CPS1: variants seen among roughly 807,000 people sequenced by gnomAD.
CPS1 encodes the protein carbamoyl-phosphate synthase [ammonia], mitochondrial.
CPS1 carries 109 observed loss-of-function variants against 174.6 expected under a neutral mutation model. That is an observed-to-expected ratio of 0.62 (90% CI 0.53 to 0.73). The LOEUF is 0.73. CPS1 is among the 30% of genes least tolerant of loss of function. The pLI, the probability that CPS1 is intolerant of heterozygous loss-of-function variation, is 0.00. For synonymous variants in CPS1, 637 were observed against 632.0 expected (o/e 1.01, Z -0.12); for missense variants, 1,689 against 1,821.9 (o/e 0.93, Z 1.33).
At chr2:210,511,081 C>T (rs564152139) in intron 1 of CPS1, among the ~76,000 whole-genome samples, 7 of 152,168 alleles carry the variant, frequency 4.6e-5, no homozygotes, top group East Asian at 1.9e-4. Flanking sequence ...CACATGCACA[C>T]GTATGTTTAT....
intron 28 of CPS1, among the ~76,000 whole-genome samples, chr2:210,652,903 G>T (rs1401867861): frequency 2.0e-5 from 3 of 152,150 alleles, no homozygotes; most frequent in African/African-American, 4.8e-5. Context: ...TGGCATTTAA[G>T]GCAGAGAGGA....
At chr2:210,602,377 T>C (rs752473259) in intron 16 of CPS1, 47 bp downstream of exon 16, 1 of 1,607,300 alleles carries the variant, frequency 6.2e-7, no homozygotes, top group Non-Finnish European at 8.5e-7. Context: ...AAAAACTGGC[T>C]TGATAGACCT....
At chr2:210,656,726 G>A in intron 30 of CPS1, 94 bp downstream of exon 30, 1 of 854,002 alleles carries the variant, frequency 1.2e-6, no homozygotes, top group Admixed American at 2.1e-5. Flanking sequence ...AGGTAGCAAT[G>A]TAAGATATGC....
chr2:210,637,970 G>C (rs958637161), intron 22 of CPS1, 127 bp downstream of exon 22: 1 of 1,057,396 alleles, frequency 9.5e-7, no homozygotes, highest in African/African-American at 1.6e-5. Context: ...ATACTCATCC[G>C]GTTGATGCTC....
chr2:210,531,245 A>G lies in CPS1; in HGVS notation c.4-25474A>G, dbSNP rs945326885. On this transcript the variant is annotated intron_variant, in intron 1 of 38. Transcript: ENST00000430249. The stretch of plus-strand genomic sequence containing the variant: ...TAGCCATAGAGGGCAAAGACGGGGG[A>G]AAAAAGTACGAGCTCTGGAGAACAG... Among the ~76,000 whole-genome samples, 5 of 152,166 alleles carry G rather than the reference A, an allele frequency of 3.3e-5. No homozygotes were observed. In the South Asian group the frequency reaches 1.0e-3, roughly 32 times the overall value.
At chr2:210,526,127 C>A (rs1695966067) in intron 1 of CPS1, among the ~76,000 whole-genome samples, 1 of 151,856 alleles carries the variant, frequency 6.6e-6, no homozygotes, top group Non-Finnish European at 1.5e-5. Context: ...CAAACTAACA[C>A]ACGAACAGAA....
upstream of CPS1, among the ~76,000 whole-genome samples, chr2:210,554,166 C>T (rs4673538): frequency 0.43 from 51,368 of 118,404 alleles, 13,030 homozygotes; most frequent in Middle Eastern, 0.6. Context: ...CACACATATA[C>T]ATATGTATGT....
At chr2:210,662,818 C>G (rs1027077999) in intron 32 of CPS1, among the ~76,000 whole-genome samples, 2 of 152,192 alleles carry the variant, frequency 1.3e-5, no homozygotes, top group African/African-American at 4.8e-5. Context: ...TGAAATCATT[C>G]CAATAGGAAT....
intron 1 of CPS1, among the ~76,000 whole-genome samples, chr2:210,559,623 A>C (rs1697033478): frequency 6.6e-6 from 1 of 152,186 alleles, no homozygotes; most frequent in Non-Finnish European, 1.5e-5. Flanking sequence ...TTTTTCCATT[A>C]GTACTGAAAA....
In CPS1 at chr2:210,650,429, A is replaced by G. The variant is rs2105911036; in HGVS notation, c.3471A>G (p.Arg1157=). 1.9e-6 allele frequency: 3 copies of G among 1,611,436 alleles called. No homozygotes were observed. Among genetic ancestry groups the G allele is most frequent in the Non-Finnish European group, 2.5e-6 (3 of 1,177,666 alleles). ...AAAAATTCCTAGAAGAGGCGACTAGAGTTTCTCAGGTAGTGTCCAATTTCT... is the reference window on the plus strand; with the variant it reads ...AAAAATTCCTAGAAGAGGCGACTAGGGTTTCTCAGGTAGTGTCCAATTTCT... ...EMKKFLEEAT[R]VSQEHPVVLT... Residue 1157 remains arginine (R), a synonymous_variant, in exon 28 of 38, where the codon AGA becomes AGG. Coordinates refer to ENST00000233072, the MANE Select transcript of CPS1 (RefSeq NM_001875.5).
At chr2:210,478,395 A>G (rs998588826) in intron 1 of CPS1, among the ~76,000 whole-genome samples, 1 of 152,166 alleles carries the variant, frequency 6.6e-6, no homozygotes, top group East Asian at 1.9e-4. Flanking sequence ...TTTCCTTCAT[A>G]TACCTGTTAG....
chr2:210,650,411 C>T lies in CPS1; in HGVS notation c.3453C>T (p.Phe1151=). ...TCTCTGAGGATGAGATGAAAAAATT[C>T]CTAGAAGAGGCGACTAGAGTTTCTC... ...VVFSEDEMKK[F]LEEATRVSQE... is the part of the protein sequence containing the mutation. Residue 1151 remains phenylalanine, a synonymous_variant, in exon 28 of 38, where the codon TTC becomes TTT. Coordinates refer to ENST00000233072, the MANE Select transcript of CPS1 (RefSeq NM_001875.5). 2 of 1,613,464 alleles carry T rather than the reference C, an allele frequency of 1.2e-6. No individual in the cohort carries two copies. The highest frequency in any genetic ancestry group is 1.7e-6 in the Non-Finnish European group (2 of 1,179,498).
At chr2:210,565,658 A>G (rs1007908737) in intron 1 of CPS1, among the ~76,000 whole-genome samples, 1 of 152,218 alleles carries the variant, frequency 6.6e-6, no homozygotes, top group Non-Finnish European at 1.5e-5. Context: ...ATCTCATAAA[A>G]ACATGAGATT....
At chr2:210,630,024 G>C (rs1699817942) in intron 21 of CPS1, among the ~76,000 whole-genome samples, 1 of 150,454 alleles carries the variant, frequency 6.6e-6, no homozygotes, top group African/African-American at 2.4e-5. Context: ...AGTGAGCCGA[G>C]ATCCTGCCAC....
intron 1 of CPS1, among the ~76,000 whole-genome samples, chr2:210,484,569 C>T (rs1694664023): frequency 6.6e-6 from 1 of 152,104 alleles, no homozygotes; most frequent in Non-Finnish European, 1.5e-5. Flanking sequence ...TCTCAGGAAA[C>T]CAACCATCAG....
chr2:210,592,615 T>A (rs181202377), intron 10 of CPS1, among the ~76,000 whole-genome samples: 222 of 151,980 alleles, frequency 1.5e-3, no homozygotes, highest in Admixed American at 5.4e-3. Flanking sequence ...AGACCAAATT[T>A]TTTATTTATT....
rs777273892 is a variant in CPS1, at chr2:210,576,342, C to A, written c.237-4C>A. The stretch of plus-strand genomic sequence containing the variant: ...GCTGATAATTTTTTGGCATGTTTAC[C>A]CAGGTACCCAGAAGCTATTACTGAC... On this transcript the variant is annotated splice_polypyrimidine_tract_variant and splice_region_variant and intron_variant, in intron 2 of 37. Transcript: ENST00000233072. 3 of 1,613,128 alleles carry A rather than the reference C, an allele frequency of 1.9e-6. No homozygotes were observed. The highest frequency in any genetic ancestry group is 2.5e-6 in the Non-Finnish European group (3 of 1,179,480).
chr2:210,653,681 G>A (rs912847058), intron 28 of CPS1, among the ~76,000 whole-genome samples: 5 of 152,136 alleles, frequency 3.3e-5, no homozygotes, highest in Admixed American at 1.3e-4. Flanking sequence ...ATAAAGTAGA[G>A]AAATATTCAT....
intron 1 of CPS1, among the ~76,000 whole-genome samples, chr2:210,522,712 C>A (rs2105989892): frequency 6.6e-6 from 1 of 152,016 alleles, no homozygotes; most frequent in East Asian, 1.9e-4. Flanking sequence ...GTTCATGGAC[C>A]TCATCACCAT....
Sources: gnomAD v4.1 joint callset for allele counts (sites outside exome capture counted in the v4.1 genomes callset) on GRCh38, gnomAD v4.1.1 for gene constraint, MANE v1.5 for transcripts, NCBI Gene and HGNC (gene_info 2026-07-23, HGNC 2026-07-21) for gene names.